CCDC30: variants seen among roughly 807,000 people sequenced by gnomAD.
The protein encoded by CCDC30 is coiled-coil domain-containing protein 30.
CCDC30 carries 70 observed loss-of-function variants against 100.2 expected under a neutral mutation model. The ratio of observed to expected loss-of-function variants is 0.70; its 90% CI spans 0.58 to 0.85. CCDC30 has a LOEUF of 0.85. Among genes scored for constraint, CCDC30 ranks in the 40% least tolerant of loss-of-function variants. The pLI is 0.00. For synonymous variants in CCDC30, 233 were observed against 269.5 expected (o/e 0.86, Z 1.33); for missense variants, 652 against 771.2 (o/e 0.85, Z 1.83).
At chr1:42,634,249 C>CAAAAAAAAAAAAAAAAAAAA (rs754829759) in intron 11 of CCDC30, among the ~76,000 whole-genome samples, 1 of 115,316 alleles carries the variant, frequency 8.7e-6, no homozygotes, top group African/African-American at 3.3e-5. Flanking sequence ...AAGACTGTCT[C>CAAAAAAAAAAAAAAAAAAAA]AAAAAAAAAA....
At chr1:42,648,070 A>G (rs527286332) in intron 15 of CCDC30, among the ~76,000 whole-genome samples, 98 of 152,082 alleles carry the variant, frequency 6.4e-4, no homozygotes, top group African/African-American at 2.2e-3. Flanking sequence ...CCTCCTGAGT[A>G]GCTGGGATTA....
At chr1:42,570,563 C>G (rs1320726578) in intron 7 of CCDC30, among the ~76,000 whole-genome samples, 1 of 152,080 alleles carries the variant, frequency 6.6e-6, no homozygotes, top group African/African-American at 2.4e-5. Context: ...TTGTCCCCAT[C>G]ATAATCCCAT....
intron 6 of CCDC30, among the ~76,000 whole-genome samples, chr1:42,558,788 T>C (rs1557853579): frequency 6.6e-6 from 1 of 152,040 alleles, no homozygotes; most frequent in African/African-American, 2.4e-5. Flanking sequence ...ATTCAGGAAA[T>C]ACAGAGAACA....
At chr1:42,624,990 C>T (rs1386097032) in intron 11 of CCDC30, among the ~76,000 whole-genome samples, 1 of 152,106 alleles carries the variant, frequency 6.6e-6, no homozygotes, top group East Asian at 1.9e-4. Context: ...TGGTAGAATT[C>T]AGCAGTGAAG....
chr1:42,491,649 G>C, intron 4 of CCDC30: 1 of 166,496 alleles, frequency 6.0e-6, no homozygotes, highest in Non-Finnish European at 1.3e-5. Flanking sequence ...AATACTTGAG[G>C]AGATGGATAA....
intron 10 of CCDC30, among the ~76,000 whole-genome samples, chr1:42,599,166 G>A (rs1203830397): frequency 6.6e-6 from 1 of 152,146 alleles, no homozygotes; most frequent in African/African-American, 2.4e-5. Flanking sequence ...ATTTGATTAT[G>A]TGTGTCATAT....
At chr1:42,654,451 G>C (rs935405433), downstream of CCDC30, 2 of 162,378 alleles carry the variant, frequency 1.2e-5, no homozygotes, top group Non-Finnish European at 2.7e-5. Flanking sequence ...CACTTTGGGA[G>C]GCTGAGGTGG....
intron 12 of CCDC30, among the ~76,000 whole-genome samples, chr1:42,641,692 C>T (rs1647409694): frequency 6.6e-6 from 1 of 151,976 alleles, no homozygotes; most frequent in Non-Finnish European, 1.5e-5. Context: ...CATGGCGAAA[C>T]CCTGTCTCTA....
intron 3 of CCDC30, among the ~76,000 whole-genome samples, chr1:42,486,293 A>C (rs1449776984): frequency 1.3e-5 from 2 of 152,240 alleles, no homozygotes; most frequent in African/African-American, 4.8e-5. Context: ...AGCTAACAGC[A>C]CACCCGACAC....
intron 6 of CCDC30, among the ~76,000 whole-genome samples, chr1:42,515,023 G>T (rs569809582): frequency 3.4e-4 from 52 of 152,240 alleles, no homozygotes; most frequent in African/African-American, 1.2e-3. Context: ...CTGTAAATGT[G>T]ACATTATTTG....
intron 10 of CCDC30, chr1:42,592,399 G>T (rs1392736952): frequency 6.6e-6 from 1 of 152,186 alleles, no homozygotes; most frequent in Non-Finnish European, 1.5e-5. Flanking sequence ...CTCTTCATGA[G>T]ATCTGGTTGT....
At chr1:42,553,933 A>C (rs1289254990) in intron 6 of CCDC30, among the ~76,000 whole-genome samples, 1 of 152,162 alleles carries the variant, frequency 6.6e-6, no homozygotes, top group Non-Finnish European at 1.5e-5. Context: ...AAAGGAATAA[A>C]ACACTCCCTA....
At chr1:42,618,164 A>G (rs989729549) in intron 11 of CCDC30, among the ~76,000 whole-genome samples, 1 of 151,706 alleles carries the variant, frequency 6.6e-6, no homozygotes, top group Admixed American at 6.6e-5. Context: ...AGAGGATGAC[A>G]GGTATACTGC....
At chr1:42,634,266 A>C (rs531783876) in intron 11 of CCDC30, among the ~76,000 whole-genome samples, 183 of 149,840 alleles carry the variant, frequency 1.2e-3, no homozygotes, top group East Asian at 2.7e-3. Context: ...AAAAAAAAAA[A>C]AAAAAAAACA....
At position 42,563,523 on chromosome 1, in the gene CCDC30, C is replaced by T. The variant is rs111345818; in HGVS notation, c.457-2773C>T. The stretch of plus-strand genomic sequence containing the variant: ...ACGTGCAGCAAGCCACCATGGCACA[C>T]GTATATCTATGTAACAAACCTGCAC... On this transcript the variant is annotated intron_variant, in intron 6 of 16. Coordinates refer to ENST00000668663, the Ensembl canonical transcript of CCDC30. Among the ~76,000 whole-genome samples, 1,079 of 152,158 alleles carry T rather than the reference C, an allele frequency of 7.1e-3. 15 individuals carry two copies. The highest frequency in any genetic ancestry group is 0.025 in the African/African-American group (1,029 of 41,510).
intron 6 of CCDC30, among the ~76,000 whole-genome samples, chr1:42,553,839 T>G (rs890425523): frequency 1.3e-5 from 2 of 152,194 alleles, no homozygotes; most frequent in African/African-American, 4.8e-5. Context: ...TCATACTGTT[T>G]TGCATCATTT....
intron 6 of CCDC30, among the ~76,000 whole-genome samples, chr1:42,524,251 G>A (rs1644691104): frequency 6.6e-6 from 1 of 151,580 alleles, no homozygotes; most frequent in South Asian, 2.1e-4. Flanking sequence ...GCTTTATTTT[G>A]TTTTGTTTTT....
chr1:42,541,099 T>G (rs1645002957), intron 6 of CCDC30, among the ~76,000 whole-genome samples: 1 of 152,160 alleles, frequency 6.6e-6, no homozygotes, highest in South Asian at 2.1e-4. Flanking sequence ...AAACAACAAA[T>G]ATTTATTTCT....
chr1:42,573,139 A>T (rs1262356590), intron 7 of CCDC30, among the ~76,000 whole-genome samples: 1 of 152,200 alleles, frequency 6.6e-6, no homozygotes, highest in African/African-American at 2.4e-5. Flanking sequence ...GCTACACACA[A>T]ATACTCACAT....
Sources: gnomAD v4.1 joint callset for allele counts (sites outside exome capture counted in the v4.1 genomes callset) on GRCh38, gnomAD v4.1.1 for gene constraint, MANE v1.5 for transcripts, NCBI Gene and HGNC (gene_info 2026-07-23, HGNC 2026-07-21) for gene names.